TGFBR2: variants seen among roughly 807,000 people sequenced by gnomAD.
TGFBR2 encodes TGF-beta receptor type-2.
TGFBR2 carries 18 observed loss-of-function variants against 49.0 expected under a neutral mutation model. That is an observed-to-expected ratio of 0.37 (90% CI 0.25 to 0.54). The LOEUF is 0.54. Among genes scored for constraint, TGFBR2 ranks in the 20% least tolerant of loss-of-function variants. The pLI is 0.85. For synonymous variants in TGFBR2, 282 were observed against 275.9 expected, an observed-to-expected ratio of 1.02 and a Z score of -0.22; for missense variants, 525 against 722.6, an observed-to-expected ratio of 0.73 and a Z score of 3.13.
intron 6 of TGFBR2, among the ~76,000 whole-genome samples, chr3:30,688,764 C>T (rs1206522735): frequency 6.6e-6 from 1 of 152,334 alleles, no homozygotes; most frequent in South Asian, 2.1e-4. Flanking sequence ...TTCCAAGCCC[C>T]CTTGGTCCTG....
chr3:30,617,909 G>A (rs1698159521), intron 1 of TGFBR2, among the ~76,000 whole-genome samples: 1 of 152,198 alleles, frequency 6.6e-6, no homozygotes, highest in Non-Finnish European at 1.5e-5. Flanking sequence ...TGCTGTAATA[G>A]CATTAAAGCA....
rs1250962239 is a variant in TGFBR2 at position 30,692,971 on chromosome 3, G to C, written c.*1372G>C. ...ATTAGCTCTTTCCACTGCCTACCTG[G>C]ACCCCAGTCTAGGAATTAAATCTGC... On this transcript the variant is annotated 3_prime_UTR_variant, in exon 7 of 7. Coordinates refer to ENST00000295754, the MANE Select transcript of TGFBR2 (RefSeq NM_003242.6). The C allele has an allele frequency of 4.3e-6, 1 of 233,070 alleles. No individual in the cohort carries two copies. Among genetic ancestry groups the C allele is most frequent in the Non-Finnish European group, 8.5e-6 (1 of 117,976 alleles). 14.4% of individuals were successfully genotyped at this position (233,070 alleles called of 1,614,324 possible). A position where few individuals can be genotyped will look rare whatever the true frequency, so the allele number is the denominator to read the frequency against.
At chr3:30,659,396 C>CT (rs1450024674) in intron 3 of TGFBR2, among the ~76,000 whole-genome samples, 1 of 152,080 alleles carries the variant, frequency 6.6e-6, no homozygotes, top group Non-Finnish European at 1.5e-5. Context: ...AGAAAGCACA[C>CT]TTGGAATTCA....
intron 2 of TGFBR2, among the ~76,000 whole-genome samples, chr3:30,645,387 C>T (rs1286938238): frequency 1.3e-5 from 2 of 151,930 alleles, no homozygotes; most frequent in African/African-American, 4.8e-5. Flanking sequence ...ACTTGGAGAA[C>T]CACAAAAACA....
At chr3:30,691,168 TGA>T (rs1444716970) in intron 6 of TGFBR2, among the ~76,000 whole-genome samples, 2 of 152,186 alleles carry the variant, frequency 1.3e-5, no homozygotes, top group Admixed American at 6.5e-5. Context: ...GGACCTATTG[TGA>T]TCAGATAGCA....
intron 1 of TGFBR2, among the ~76,000 whole-genome samples, chr3:30,637,429 T>C (rs1413225947): frequency 6.6e-6 from 1 of 152,196 alleles, no homozygotes; most frequent in African/African-American, 2.4e-5. Flanking sequence ...ATACCTTAAA[T>C]GTGCTCCTCA....
Position 30,693,946 on chromosome 3 carries a change from T to C in TGFBR2, c.*2347T>C. The C allele has an allele frequency of 4.3e-6, 1 of 230,782 alleles. No individual in the cohort carries two copies. Among genetic ancestry groups the C allele is most frequent in the Non-Finnish European group, 8.6e-6 (1 of 116,256 alleles). 14.3% of individuals were successfully genotyped at this position (230,782 alleles called of 1,614,324 possible). Reference sequence around the variant, plus strand: ...ATAAAGGGAAAGTTTTATTCTTTTATGGAACACTTCAGCTGTACTCATGTA... The same window carrying C: ...ATAAAGGGAAAGTTTTATTCTTTTACGGAACACTTCAGCTGTACTCATGTA... On this transcript the variant is annotated 3_prime_UTR_variant, in exon 7 of 7. Transcript: ENST00000295754.
At chr3:30,625,026 C>T (rs949242697) in intron 1 of TGFBR2, among the ~76,000 whole-genome samples, 10 of 152,056 alleles carry the variant, frequency 6.6e-5, no homozygotes, top group Admixed American at 3.9e-4. Flanking sequence ...TTTTTCTGAA[C>T]GCCCTTTTTA....
At chr3:30,664,610 G>A (rs939818456) in intron 3 of TGFBR2, among the ~76,000 whole-genome samples, 4 of 152,202 alleles carry the variant, frequency 2.6e-5, no homozygotes, top group African/African-American at 9.6e-5. Context: ...TTCCTTTGGA[G>A]TGATTGAAAA....
Position 30,693,251 on chromosome 3 carries a change from C to T in TGFBR2, c.*1652C>T. ...CATGGTTACCGTTCTCTCCATCATG[C>T]CAGCCTTCTCAACCTTTGCAGAAAT... On this transcript the variant is annotated 3_prime_UTR_variant, in exon 7 of 7. Transcript: ENST00000295754. 8.6e-6 allele frequency: 2 copies of T among 233,702 alleles called. No individual in the cohort carries two copies. The highest frequency in any genetic ancestry group is 6.0e-5 in the East Asian group (1 of 16,688). The allele number at this position is 233,702 out of a possible 1,614,324, so 14.5% of individuals were successfully genotyped here.
intron 1 of TGFBR2, among the ~76,000 whole-genome samples, chr3:30,610,453 T>C (rs1003902153): frequency 5.9e-5 from 9 of 152,174 alleles, no homozygotes; most frequent in African/African-American, 2.2e-4. Flanking sequence ...GGAGCCCCAG[T>C]TGGGCAGCCT....
At chr3:30,615,817 G>T (rs1045125436) in intron 1 of TGFBR2, among the ~76,000 whole-genome samples, 1 of 151,880 alleles carries the variant, frequency 6.6e-6, no homozygotes, top group Non-Finnish European at 1.5e-5. Flanking sequence ...ATAACTCACT[G>T]CAGCCTTGGA....
At chr3:30,662,993 C>G (rs1471720266) in intron 3 of TGFBR2, among the ~76,000 whole-genome samples, 6 of 152,166 alleles carry the variant, frequency 3.9e-5, no homozygotes, top group African/African-American at 1.4e-4. Flanking sequence ...CGCTAAGACT[C>G]TGCATTTCCA....
intron 5 of TGFBR2, among the ~76,000 whole-genome samples, chr3:30,685,599 T>C (rs1699606990): frequency 6.6e-6 from 1 of 152,158 alleles, no homozygotes; most frequent in South Asian, 2.1e-4. Context: ...AGAGTGTGAA[T>C]TGCACCATAG....
chr3:30,644,689 C>T (rs2125404564), intron 1 of TGFBR2, 58 bp from the exon 2 acceptor site: 7 of 1,534,486 alleles, frequency 4.6e-6, no homozygotes, highest in Non-Finnish European at 6.3e-6. Flanking sequence ...TTCAGGAATT[C>T]ATTGGCAGGC....
Position 30,691,857 on chromosome 3 carries a change from A to G in TGFBR2, c.*258A>G. 2.1e-6 allele frequency: 1 copy of G among 486,132 alleles called. No homozygotes were observed. Among genetic ancestry groups the G allele is most frequent in the Non-Finnish European group, 3.8e-6 (1 of 264,920 alleles). The allele number at this position is 486,132 out of a possible 1,614,324, so 30.1% of individuals were successfully genotyped here. A position where few individuals can be genotyped will look rare whatever the true frequency, so the allele number is the denominator to read the frequency against. ...AATGAGATTGATTTTTACAATAGCC[A>G]ATAACATTTGCACTTTATTAATGCC... On this transcript the variant is annotated 3_prime_UTR_variant, in exon 7 of 7. Coordinates refer to ENST00000295754, the MANE Select transcript of TGFBR2 (RefSeq NM_003242.6).
chr3:30,641,106 T>A (rs138719340), intron 1 of TGFBR2, among the ~76,000 whole-genome samples: 2 of 152,118 alleles, frequency 1.3e-5, no homozygotes, highest in Non-Finnish European at 2.9e-5. Context: ...CCACTTAGCA[T>A]GTTATTAGTG....
intron 5 of TGFBR2, among the ~76,000 whole-genome samples, chr3:30,679,298 G>T (rs1020344854): frequency 6.6e-6 from 1 of 152,172 alleles, no homozygotes; most frequent in Non-Finnish European, 1.5e-5. Flanking sequence ...TAAAGGAAGA[G>T]GAAGACTCTG....
At position 30,625,396 on chromosome 3, in the gene TGFBR2, G is replaced by A. The variant is rs150124077; in HGVS notation, c.94+18419G>A. On this transcript the variant is annotated intron_variant, in intron 1 of 6. Coordinates refer to ENST00000295754, the MANE Select transcript of TGFBR2 (RefSeq NM_003242.6). ...TTTCCCTTCTTAACTTCTTTGCTAG[G>A]TTATCTAAAGGGAGATATGCTTTCT... 7.4e-3 allele frequency among the ~76,000 whole-genome samples: 1,125 copies of A among 152,240 alleles called. 13 individuals are homozygous for A. The highest frequency in any genetic ancestry group is 0.024 in the South Asian group (118 of 4,828).
Sources: gnomAD v4.1 joint callset for allele counts (sites outside exome capture counted in the v4.1 genomes callset) on GRCh38, gnomAD v4.1.1 for gene constraint, MANE v1.5 for transcripts, NCBI Gene and HGNC (gene_info 2026-07-23, HGNC 2026-07-21) for gene names.